GAREM1: variants seen among roughly 807,000 people sequenced by gnomAD.
GAREM1 encodes GRB2-associated and regulator of MAPK protein 1.
A neutral mutation model predicts 71.3 loss-of-function variants in GAREM1; 26 were observed. That is an observed-to-expected ratio of 0.36 (90% CI 0.27 to 0.51). The LOEUF (loss-of-function observed/expected upper bound fraction) is 0.51. Among genes scored for constraint, GAREM1 ranks in the 20% least tolerant of loss-of-function variants. The pLI is 0.95. For synonymous variants in GAREM1, 440 were observed against 433.2 expected (o/e 1.02, Z -0.20); for missense variants, 1,026 against 1,103.1 (o/e 0.93, Z 0.99).
intron 4 of GAREM1, among the ~76,000 whole-genome samples, chr18:32,278,490 T>G (rs1567945504): frequency 6.6e-6 from 1 of 152,186 alleles, no homozygotes; most frequent in Admixed American, 6.5e-5. Context: ...TGATTTAAAA[T>G]GAGATTCACC....
At chr18:32,468,092 AG>A (rs1485114628) in intron 1 of GAREM1, among the ~76,000 whole-genome samples, 2 of 152,310 alleles carry the variant, frequency 1.3e-5, no homozygotes, top group East Asian at 3.9e-4. Flanking sequence ...GGTGTAAACG[AG>A]GATTTCCTTT....
intron 1 of GAREM1, among the ~76,000 whole-genome samples, chr18:32,446,252 G>A (rs2048785352): frequency 6.7e-6 from 1 of 149,752 alleles, no homozygotes; most frequent in African/African-American, 2.5e-5. Context: ...GTGTGTGTGT[G>A]TATAACAACA....
At chr18:32,398,721 T>A (rs993012668) in intron 1 of GAREM1, among the ~76,000 whole-genome samples, 1 of 152,052 alleles carries the variant, frequency 6.6e-6, no homozygotes, top group Non-Finnish European at 1.5e-5. Context: ...GATTCACAGC[T>A]GAATTCTACC....
At chr18:32,335,300 C>A (rs922747399) in intron 2 of GAREM1, among the ~76,000 whole-genome samples, 1 of 152,192 alleles carries the variant, frequency 6.6e-6, no homozygotes, top group African/African-American at 2.4e-5. Context: ...GTAATTCACC[C>A]TCCTCTTTTC....
At chr18:32,279,790 T>C (rs1000002989) in intron 4 of GAREM1, among the ~76,000 whole-genome samples, 2 of 152,172 alleles carry the variant, frequency 1.3e-5, no homozygotes, top group Non-Finnish European at 1.5e-5. Context: ...CTGTGGCAAT[T>C]GGATATTATA....
rs775217648 is a variant in GAREM1 at position 32,392,849 on chromosome 18, T to A, written c.262+46A>T. ...TAGAGGAAAAGTTTAGCTATTCACA[T>A]CCCCTTTCTCTCGCTGCCTCATCTT... On this transcript the variant is annotated intron_variant, in intron 2 of 5. Coordinates refer to ENST00000269209, the MANE Select transcript of GAREM1 (RefSeq NM_001242409.2). 8 of 1,588,926 alleles carry A rather than the reference T, an allele frequency of 5.0e-6. No individual in the cohort carries two copies. In the Admixed American group the frequency reaches 1.4e-4, roughly 27 times the overall value.
chr18:32,438,651 T>C (rs1435546247), intron 1 of GAREM1, among the ~76,000 whole-genome samples: 2 of 152,258 alleles, frequency 1.3e-5, no homozygotes, highest in Non-Finnish European at 2.9e-5. Flanking sequence ...GGCTGATTTA[T>C]AAGTTTATAA....
chr18:32,356,670 G>T (rs2047809544), intron 2 of GAREM1, among the ~76,000 whole-genome samples: 1 of 152,028 alleles, frequency 6.6e-6, no homozygotes, highest in Admixed American at 6.5e-5. Flanking sequence ...ATGACATATG[G>T]TATTATCACA....
intron 2 of GAREM1, among the ~76,000 whole-genome samples, chr18:32,352,462 C>T (rs929407755): frequency 6.6e-6 from 1 of 151,996 alleles, no homozygotes; most frequent in Non-Finnish European, 1.5e-5. Flanking sequence ...GGTGTGGATG[C>T]CATGAGAGGG....
At chr18:32,385,333 A>G (rs1305023511) in intron 2 of GAREM1, among the ~76,000 whole-genome samples, 1 of 151,944 alleles carries the variant, frequency 6.6e-6, no homozygotes, top group African/African-American at 2.4e-5. Context: ...TTTGTAATCT[A>G]ATTTTCCTCA....
At chr18:32,436,875 A>AC (rs1237014787) in intron 1 of GAREM1, among the ~76,000 whole-genome samples, 1 of 152,098 alleles carries the variant, frequency 6.6e-6, no homozygotes, top group East Asian at 1.9e-4. Flanking sequence ...TCAAATCCTA[A>AC]CCTCCTTACT....
At chr18:32,423,491 G>C (rs1568005923) in intron 1 of GAREM1, among the ~76,000 whole-genome samples, 1 of 152,106 alleles carries the variant, frequency 6.6e-6, no homozygotes, top group Non-Finnish European at 1.5e-5. Context: ...AATTATACCA[G>C]CTCCAAGGTA....
At chr18:32,399,074 T>G (rs1010978396) in intron 1 of GAREM1, among the ~76,000 whole-genome samples, 2 of 152,162 alleles carry the variant, frequency 1.3e-5, no homozygotes, top group Non-Finnish European at 2.9e-5. Flanking sequence ...AAAAACCACA[T>G]GGTTATCTCA....
At chr18:32,355,816 T>C (rs1383118207) in intron 2 of GAREM1, among the ~76,000 whole-genome samples, 1 of 152,194 alleles carries the variant, frequency 6.6e-6, no homozygotes, top group Non-Finnish European at 1.5e-5. Context: ...AACCGAACTA[T>C]TTAGGTCAAT....
chr18:32,289,075 T>TTTTTG (rs899420782), intron 3 of GAREM1, among the ~76,000 whole-genome samples: 10 of 152,150 alleles, frequency 6.6e-5, no homozygotes, highest in African/African-American at 2.2e-4. Context: ...TATATTTGTT[T>TTTTTG]TTTTGTTTTG....
intron 2 of GAREM1, among the ~76,000 whole-genome samples, chr18:32,334,982 G>C (rs538640719): frequency 4.6e-5 from 7 of 152,088 alleles, no homozygotes; most frequent in Non-Finnish European, 1.0e-4. Flanking sequence ...TTTGAGGACC[G>C]CTCTTTCCGC....
intron 1 of GAREM1, among the ~76,000 whole-genome samples, chr18:32,453,339 C>A (rs1192444335): frequency 6.6e-6 from 1 of 152,068 alleles, no homozygotes; most frequent in East Asian, 1.9e-4. Context: ...GGGGACACAG[C>A]CAAACCATAC....
intron 3 of GAREM1, among the ~76,000 whole-genome samples, chr18:32,302,110 C>G (rs1453583588): frequency 6.6e-6 from 1 of 152,154 alleles, no homozygotes; most frequent in East Asian, 1.9e-4. Context: ...CAATCTTGGG[C>G]CTTATCTCAA....
At chr18:32,380,252 G>T (rs1414293790) in intron 2 of GAREM1, among the ~76,000 whole-genome samples, 1 of 152,110 alleles carries the variant, frequency 6.6e-6, no homozygotes, top group East Asian at 1.9e-4. Context: ...GAAGCAGGGG[G>T]ATCACCTGAA....
Sources: gnomAD v4.1 joint callset for allele counts (sites outside exome capture counted in the v4.1 genomes callset) on GRCh38, gnomAD v4.1.1 for gene constraint, MANE v1.5 for transcripts, NCBI Gene and HGNC (gene_info 2026-07-23, HGNC 2026-07-21) for gene names.